Variants in SORCS1 observed in about 807,000 individuals in gnomAD.
The protein encoded by SORCS1 is sortilin related VPS10 domain containing receptor 1.
SORCS1 carries 60 observed loss-of-function variants against 146.1 expected under a neutral mutation model. That is an observed-to-expected ratio of 0.41 (90% CI 0.33 to 0.51). The LOEUF (loss-of-function observed/expected upper bound fraction) is 0.51, where lower values mean the gene tolerates loss of function less well. SORCS1 is among the 20% of genes least tolerant of loss of function. SORCS1 has a pLI of 0.21. For missense variants in SORCS1, 1,352 were observed against 1,487.6 expected, an observed-to-expected ratio of 0.91 and a Z score of 1.50; for synonymous variants, 637 against 584.0, an observed-to-expected ratio of 1.09 and a Z score of -1.31.
chr10:107,073,497 A>G (rs944298329), intron 1 of SORCS1, among the ~76,000 whole-genome samples: 4 of 152,194 alleles, frequency 2.6e-5, no homozygotes, highest in Non-Finnish European at 5.9e-5. Context: ...CATGAATTCA[A>G]TAACAACTAC....
intron 2 of SORCS1, among the ~76,000 whole-genome samples, chr10:106,830,124 GGTCA>G (rs1948475463): frequency 6.6e-6 from 1 of 152,126 alleles, no homozygotes; most frequent in African/African-American, 2.4e-5. Flanking sequence ...TCCCTTCAAA[GGTCA>G]GTCAGTCTTT....
chr10:106,622,408 G>T (rs959497282), intron 19 of SORCS1, among the ~76,000 whole-genome samples: 2 of 152,034 alleles, frequency 1.3e-5, no homozygotes, highest in East Asian at 1.9e-4. Context: ...CTTCTTGAGG[G>T]TAAGAATTCT....
At chr10:106,932,789 G>C (rs184616242) in intron 2 of SORCS1, among the ~76,000 whole-genome samples, 74 of 152,304 alleles carry the variant, frequency 4.9e-4, no homozygotes, top group African/African-American at 1.5e-3. Flanking sequence ...TGCCAACACA[G>C]TTGCAAGCTA....
Position 107,053,547 on chromosome 10 carries a change from G to T in SORCS1, c.559-96967C>A, listed in dbSNP as rs137961649. On this transcript the variant is annotated intron_variant, in intron 1 of 25. Transcript: ENST00000263054. Reference sequence around the variant, plus strand: ...ATTTTTAGTCAATTGAAAAAAAAATGTCTCCAACTGGAAAAAAGGGTTGAC... The same window carrying T: ...ATTTTTAGTCAATTGAAAAAAAAATTTCTCCAACTGGAAAAAAGGGTTGAC... 3.6e-3 allele frequency among the ~76,000 whole-genome samples: 554 copies of T among 152,046 alleles called. 4 individuals carry two copies. The highest frequency in any genetic ancestry group is 0.012 in the African/African-American group (510 of 41,468).
At chr10:107,012,677 T>A (rs1757588984) in intron 1 of SORCS1, among the ~76,000 whole-genome samples, 1 of 152,184 alleles carries the variant, frequency 6.6e-6, no homozygotes, top group African/African-American at 2.4e-5. Context: ...GCCTCTAGTG[T>A]CCACATGTTC....
intron 2 of SORCS1, among the ~76,000 whole-genome samples, chr10:106,866,203 T>A (rs1950216799): frequency 6.6e-6 from 1 of 152,078 alleles, no homozygotes; most frequent in African/African-American, 2.4e-5. Flanking sequence ...GGAACTGCCC[T>A]TGCTACCCTC....
At chr10:106,687,175 G>A (rs1852914262) in intron 10 of SORCS1, among the ~76,000 whole-genome samples, 1 of 152,116 alleles carries the variant, frequency 6.6e-6, no homozygotes, top group African/African-American at 2.4e-5. Flanking sequence ...AATTGGGGCA[G>A]GCATCAGAGC....
chr10:107,007,829 CT>C lies in SORCS1; in HGVS notation c.559-51250del, dbSNP rs1957521406. 2.5e-5 allele frequency among the ~76,000 whole-genome samples: 3 copies of C among 117,738 alleles called. No individual in the cohort carries two copies. The African/African-American group carries it at 3.1e-4, about 12-fold the overall frequency. 77.2% of individuals were successfully genotyped at this position (117,738 alleles called of 152,430 possible). On this transcript the variant is annotated intron_variant, in intron 1 of 25. Transcript: ENST00000263054. ...CATGCGAGGCTCAGGCCCAATTACG[CT>C]TACTTGATAGCTGTGCAATAACAAA...
At chr10:106,595,393 C>T (rs891688135) in intron 24 of SORCS1, among the ~76,000 whole-genome samples, 1 of 152,058 alleles carries the variant, frequency 6.6e-6, no homozygotes, top group Non-Finnish European at 1.5e-5. Context: ...TCATCTTTTT[C>T]AAGGAATGCT....
chr10:106,724,146 A>G (rs1855980195), intron 6 of SORCS1, among the ~76,000 whole-genome samples: 1 of 152,196 alleles, frequency 6.6e-6, no homozygotes, highest in Non-Finnish European at 1.5e-5. Context: ...TTATATTGCT[A>G]ATACTACTCG....
chr10:106,924,252 C>A, intron 2 of SORCS1, among the ~76,000 whole-genome samples: 1 of 97,840 alleles, frequency 1.0e-5, no homozygotes, highest in African/African-American at 3.2e-5. Context: ...AAAACTCCAT[C>A]TCAAAAAAAA....
intron 1 of SORCS1, among the ~76,000 whole-genome samples, chr10:106,992,101 T>A (rs1271632006): frequency 6.6e-6 from 1 of 152,154 alleles, no homozygotes; most frequent in Non-Finnish European, 1.5e-5. Context: ...GACTGAGCAA[T>A]CAACACAGGA....
intron 5 of SORCS1, 49 bp downstream of exon 5, chr10:106,761,539 A>T (rs1859108549): frequency 1.3e-6 from 2 of 1,530,982 alleles, no homozygotes; most frequent in African/African-American, 2.7e-5. Context: ...ACTAGGTCAT[A>T]TCTGACTAGG....
intron 1 of SORCS1, among the ~76,000 whole-genome samples, chr10:107,002,255 C>T (rs1452810204): frequency 1.3e-5 from 2 of 152,200 alleles, no homozygotes; most frequent in Non-Finnish European, 2.9e-5. Flanking sequence ...TTACATTTTT[C>T]ATGCTTCTCA....
At chr10:106,626,090 T>C (rs987143169) in intron 19 of SORCS1, among the ~76,000 whole-genome samples, 1 of 152,052 alleles carries the variant, frequency 6.6e-6, no homozygotes, top group Non-Finnish European at 1.5e-5. Flanking sequence ...TGCAAACCCA[T>C]CTTTTTTTTT....
At chr10:106,705,902 G>A (rs944903221) in intron 8 of SORCS1, among the ~76,000 whole-genome samples, 1 of 152,168 alleles carries the variant, frequency 6.6e-6, no homozygotes, top group Non-Finnish European at 1.5e-5. Flanking sequence ...AAAATTAGCT[G>A]CGACTCAGAA....
At chr10:106,851,392 A>G (rs149693306) in intron 2 of SORCS1, among the ~76,000 whole-genome samples, 1 of 152,284 alleles carries the variant, frequency 6.6e-6, no homozygotes, top group East Asian at 1.9e-4. Context: ...TCTGTGTTCA[A>G]ACTTCCTTTT....
At chr10:107,010,669 C>G (rs1957658878) in intron 1 of SORCS1, among the ~76,000 whole-genome samples, 1 of 136,440 alleles carries the variant, frequency 7.3e-6, no homozygotes, top group Admixed American at 7.0e-5. Flanking sequence ...GATTGAACAA[C>G]TGAGCTAACC....
chr10:107,051,159 T>C (rs1960070887), intron 1 of SORCS1, among the ~76,000 whole-genome samples: 1 of 152,172 alleles, frequency 6.6e-6, no homozygotes, highest in Admixed American at 6.6e-5. Flanking sequence ...GTTTAGTGGA[T>C]GGCAGCACAC....
Sources: allele counts gnomAD v4.1 joint callset (sites outside exome capture counted in the v4.1 genomes callset), GRCh38; gene constraint gnomAD v4.1.1; transcripts MANE v1.5; gene names NCBI Gene and HGNC (gene_info 2026-07-23, HGNC 2026-07-21).